Variants in PDE10A observed in about 807,000 individuals in gnomAD.
The protein encoded by PDE10A is phosphodiesterase 10A.
Under a neutral mutation model 97.7 loss-of-function variants are expected in PDE10A, and 39 were observed. The ratio of observed to expected loss-of-function variants is 0.40; its 90% CI spans 0.31 to 0.52. PDE10A has a LOEUF of 0.52. Ranked by LOEUF, PDE10A falls within the 20% of genes least tolerant of loss-of-function variation. PDE10A has a pLI of 0.56. For missense variants in PDE10A, 731 were observed against 1,047.8 expected (o/e 0.70, Z 4.17); for synonymous variants, 371 against 376.8 (o/e 0.98, Z 0.18).
At chr6:165,424,286 T>C (rs1788953164) in intron 10 of PDE10A, among the ~76,000 whole-genome samples, 3 of 152,166 alleles carry the variant, frequency 2.0e-5, no homozygotes, top group Admixed American at 6.5e-5. Context: ...ATGTTGATAT[T>C]TGGCTCATGT....
chr6:165,446,726 T>C (rs762879214), intron 5 of PDE10A, among the ~76,000 whole-genome samples: 10 of 152,110 alleles, frequency 6.6e-5, no homozygotes, highest in Non-Finnish European at 1.5e-4. Flanking sequence ...GGATCTGACT[T>C]GGGAAGCTCA....
At chr6:165,435,188 T>TTTGACC (rs1383560041) in intron 6 of PDE10A, 49 bp downstream of exon 6, 1 of 1,482,660 alleles carries the variant, frequency 6.7e-7, no homozygotes, top group Admixed American at 2.0e-5. Context: ...TCTTTCTTAA[T>TTTGACC]TAAATACTTT....
At chr6:165,710,865 G>A (rs1791877603) in intron 1 of PDE10A, among the ~76,000 whole-genome samples, 1 of 152,140 alleles carries the variant, frequency 6.6e-6, no homozygotes, top group Admixed American at 6.5e-5. Context: ...TGCATTCCTG[G>A]GCCCTGATCA....
chr6:165,652,215 A>G (rs2128425934), intron 1 of PDE10A, among the ~76,000 whole-genome samples: 1 of 152,374 alleles, frequency 6.6e-6, no homozygotes. Context: ...ATATGTAATT[A>G]GCACATCCAA....
intron 1 of PDE10A, among the ~76,000 whole-genome samples, chr6:165,706,610 C>A (rs1191745553): frequency 6.6e-6 from 1 of 152,206 alleles, no homozygotes; most frequent in Non-Finnish European, 1.5e-5. Context: ...CTCAATAAAT[C>A]TTCACAGTCT....
At chr6:165,792,469 C>A (rs1778685199) in intron 1 of PDE10A, among the ~76,000 whole-genome samples, 1 of 152,194 alleles carries the variant, frequency 6.6e-6, no homozygotes, top group African/African-American at 2.4e-5. Context: ...CTTCTCTTCT[C>A]AGGGCACTTG....
chr6:165,967,653 C>T (rs1358345412), intron 1 of PDE10A, among the ~76,000 whole-genome samples: 1 of 152,150 alleles, frequency 6.6e-6, no homozygotes, highest in Non-Finnish European at 1.5e-5. Flanking sequence ...AGATTCAGGA[C>T]AGAAAATAGA....
In PDE10A at chr6:165,416,355, T is replaced by A. The variant is rs556773727; in HGVS notation, c.1797-74A>T. 3 of 953,992 alleles carry A rather than the reference T, an allele frequency of 3.1e-6. No homozygotes were observed. In the East Asian group the frequency reaches 7.2e-5, roughly 23 times the overall value. 59.1% of individuals were successfully genotyped at this position (953,992 alleles called of 1,614,324 possible). A position where few individuals can be genotyped will look rare whatever the true frequency, so the allele number is the denominator to read the frequency against. On this transcript the variant is annotated intron_variant, in intron 11 of 21. Transcript: ENST00000539869. ...AGAATAATTCAAAAATATTCCATTG[T>A]TAATAATATTGAATTAAAAGCACTG...
At chr6:165,710,611 T>C (rs1197234581) in intron 1 of PDE10A, among the ~76,000 whole-genome samples, 1 of 152,210 alleles carries the variant, frequency 6.6e-6, no homozygotes, top group Non-Finnish European at 1.5e-5. Flanking sequence ...CATAACGTTT[T>C]TGAATAAATC....
intron 5 of PDE10A, among the ~76,000 whole-genome samples, chr6:165,443,133 AAT>A (rs1554263148): frequency 2.8e-4 from 42 of 150,662 alleles, no homozygotes; most frequent in African/African-American, 9.6e-4. Flanking sequence ...AAAAAAAAAA[AAT>A]GTCCAAGTCT....
At chr6:165,878,574 AT>A (rs1229185636) in intron 1 of PDE10A, among the ~76,000 whole-genome samples, 4 of 152,260 alleles carry the variant, frequency 2.6e-5, no homozygotes, top group East Asian at 1.9e-4. Flanking sequence ...CAGTCACTTG[AT>A]TTTCTGGTTT....
chr6:165,527,923 C>T (rs1257353980), intron 2 of PDE10A, among the ~76,000 whole-genome samples: 1 of 152,220 alleles, frequency 6.6e-6, no homozygotes, highest in African/African-American at 2.4e-5. Context: ...ATGCAGGCAC[C>T]ACCCAAAAGT....
chr6:165,945,977 A>ATTG (rs1200324689), intron 1 of PDE10A, among the ~76,000 whole-genome samples: 1 of 152,100 alleles, frequency 6.6e-6, no homozygotes, highest in Non-Finnish European at 1.5e-5. Context: ...CATTTAGTTG[A>ATTG]TTGTTTCCTT....
At chr6:165,686,585 G>A (rs567700728) in intron 1 of PDE10A, among the ~76,000 whole-genome samples, 1 of 152,302 alleles carries the variant, frequency 6.6e-6, no homozygotes, top group South Asian at 2.1e-4. Context: ...GAAAAGCAGA[G>A]CACACTTTCT....
In PDE10A at chr6:165,731,778, C is replaced by T. The variant is rs141533167; in HGVS notation, c.-614-188210G>A. 3.0e-4 allele frequency among the ~76,000 whole-genome samples: 45 copies of T among 152,250 alleles called. No homozygotes were observed. The East Asian group carries it at 4.6e-3, about 16-fold the overall frequency. On this transcript the variant is annotated intron_variant, in intron 1 of 19. Coordinates refer to the PDE10A transcript ENST00000366882. ...CTCCAGAAGAGTTAGTGACTGTCCT[C>T]ATATTAAGTTAGGTCAGCAGAAATT...
At chr6:165,974,223 T>C (rs549006316) in intron 1 of PDE10A, among the ~76,000 whole-genome samples, 1 of 152,224 alleles carries the variant, frequency 6.6e-6, no homozygotes, top group Admixed American at 6.5e-5. Context: ...TATGTCTCTA[T>C]TCCATCAGAA....
chr6:165,901,069 C>A (rs565937812), intron 1 of PDE10A, among the ~76,000 whole-genome samples: 1 of 152,138 alleles, frequency 6.6e-6, no homozygotes, highest in African/African-American at 2.4e-5. Context: ...CGTTCCACCT[C>A]GGCCTCCACG....
chr6:165,925,528 T>C (rs1377198141), intron 1 of PDE10A, among the ~76,000 whole-genome samples: 1 of 152,230 alleles, frequency 6.6e-6, no homozygotes, highest in African/African-American at 2.4e-5. Flanking sequence ...AACAAACTGG[T>C]ATGTCCACAC....
chr6:165,864,048 T>G (rs1780976514), intron 1 of PDE10A, among the ~76,000 whole-genome samples: 1 of 152,196 alleles, frequency 6.6e-6, no homozygotes, highest in Non-Finnish European at 1.5e-5. Flanking sequence ...GGAGCGTAGG[T>G]TGGTTGTGTA....
Sources: allele counts gnomAD v4.1 joint callset (sites outside exome capture counted in the v4.1 genomes callset), GRCh38; gene constraint gnomAD v4.1.1; transcripts MANE v1.5; gene names NCBI Gene and HGNC (gene_info 2026-07-23, HGNC 2026-07-21).